CDH4: variants seen among roughly 807,000 people sequenced by gnomAD.
CDH4 encodes cadherin 4, also known as cadherin-4.
A neutral mutation model predicts 86.0 loss-of-function variants in CDH4; 33 were observed. That is an observed-to-expected ratio of 0.38 (90% CI 0.29 to 0.51). The LOEUF (loss-of-function observed/expected upper bound fraction) is 0.51. Among genes scored for constraint, CDH4 ranks in the 20% least tolerant of loss-of-function variants. The pLI is 0.86. For synonymous variants in CDH4, 555 were observed against 549.4 expected (o/e 1.01, Z -0.14); for missense variants, 1,114 against 1,307.4 (o/e 0.85, Z 2.28).
At chr20:61,864,877 C>T (rs1319164375) in intron 6 of CDH4, among the ~76,000 whole-genome samples, 1 of 152,184 alleles carries the variant, frequency 6.6e-6, no homozygotes, top group Non-Finnish European at 1.5e-5. Context: ...TGGCTGTGGT[C>T]CTCTCTGGGG....
intron 2 of CDH4, among the ~76,000 whole-genome samples, chr20:61,551,106 C>T (rs749625071): frequency 9.2e-5 from 14 of 152,108 alleles, no homozygotes; most frequent in Non-Finnish European, 1.3e-4. Context: ...TCCTCGGGAT[C>T]GATAAAGGTG....
chr20:61,761,704 G>T (rs2088634740), intron 3 of CDH4, among the ~76,000 whole-genome samples: 1 of 152,214 alleles, frequency 6.6e-6, no homozygotes, highest in Non-Finnish European at 1.5e-5. Context: ...GCACAGAGGG[G>T]TGAGCGCGGA....
At chr20:61,495,625 G>A (rs1215936341) in intron 2 of CDH4, among the ~76,000 whole-genome samples, 1 of 152,110 alleles carries the variant, frequency 6.6e-6, no homozygotes, top group South Asian at 2.1e-4. Context: ...TGGGCAGGCC[G>A]GGCACTGTGG....
At chr20:61,359,508 G>C (rs1348185130) in intron 2 of CDH4, among the ~76,000 whole-genome samples, 2 of 152,242 alleles carry the variant, frequency 1.3e-5, no homozygotes, top group Non-Finnish European at 2.9e-5. Flanking sequence ...CCACGCGGCA[G>C]GTTTGAAGGG....
chr20:61,711,252 C>T (rs1174482536), intron 2 of CDH4, among the ~76,000 whole-genome samples: 2 of 152,228 alleles, frequency 1.3e-5, no homozygotes, highest in Admixed American at 1.3e-4. Flanking sequence ...GTTTGCTTCC[C>T]CTTCGCCTTC....
chr20:61,625,082 C>T (rs1039403121), intron 2 of CDH4, among the ~76,000 whole-genome samples: 4 of 152,152 alleles, frequency 2.6e-5, no homozygotes, highest in Admixed American at 2.0e-4. Context: ...ATTCCTGGGC[C>T]TCTCGTGTTG....
chr20:61,255,042 T>A, intron 2 of CDH4, 105 bp downstream of exon 2: 1 of 742,118 alleles, frequency 1.3e-6, no homozygotes, highest in Non-Finnish European at 2.4e-6. Context: ...GTGCTCTCTG[T>A]GAAATGATGG....
rs374341064 is a variant in CDH4, at chr20:61,708,374, C to T, written c.170-35189C>T. ...CCTAACTGGGTTGGGGCACCACCCT[C>T]CACTCTCCACGTTGGCTGCCTCAGT... On this transcript the variant is annotated intron_variant, in intron 2 of 15. Transcript: ENST00000614565. This position sits in a 1 kb window ranked among gnomAD's most constrained non-coding sequence, Gnocchi z 4.5. 3.3e-5 allele frequency among the ~76,000 whole-genome samples: 5 copies of T among 152,136 alleles called. No homozygotes were observed. In the South Asian group the frequency reaches 8.3e-4, roughly 25 times the overall value.
chr20:61,720,642 A>G (rs980140227), intron 2 of CDH4, among the ~76,000 whole-genome samples: 2 of 73,072 alleles, frequency 2.7e-5, no homozygotes, highest in South Asian at 1.0e-3. Flanking sequence ...TTCCTAAGCC[A>G]TCGTCTTGTG....
In CDH4 at chr20:61,282,835, G is replaced by A. The variant is rs577603067; in HGVS notation, c.169+27898G>A. 7.4e-4 allele frequency among the ~76,000 whole-genome samples: 112 copies of A among 151,984 alleles called. 4 individuals carry two copies. In the South Asian group the frequency reaches 0.024, roughly 32 times the overall value. ...GGCTGTGGTGTGCACGTGTGTGCGT[G>A]TGATGCATGTGCATTTGCACGCATG... On this transcript the variant is annotated intron_variant, in intron 2 of 15. Coordinates refer to ENST00000614565, the MANE Select transcript of CDH4 (RefSeq NM_001794.5).
At chr20:61,385,894 T>A (rs1198339654) in intron 2 of CDH4, among the ~76,000 whole-genome samples, 1 of 152,192 alleles carries the variant, frequency 6.6e-6, no homozygotes, top group African/African-American at 2.4e-5. Flanking sequence ...GCATTTGCTA[T>A]GTAGATTGCA....
chr20:61,595,524 C>T (rs78200115), intron 2 of CDH4, among the ~76,000 whole-genome samples: 2,426 of 152,104 alleles, frequency 0.016, 64 homozygotes, highest in African/African-American at 0.046. Flanking sequence ...CCCGTGGGGC[C>T]CTCCCTTTTG....
intron 2 of CDH4, among the ~76,000 whole-genome samples, chr20:61,434,276 G>A (rs928795071): frequency 3.9e-5 from 6 of 152,222 alleles, no homozygotes; most frequent in Non-Finnish European, 7.4e-5. Flanking sequence ...TTGCATAATC[G>A]AATTTAGCCC....
Position 61,811,058 on chromosome 20 carries a change from G to GCATCCTCAGCAGCCGCGCCA in CDH4, c.577-33595_577-33576dup, listed in dbSNP as rs1265215263. ...AACTAATGGCGCGGTGCTGACTGCC[G>GCATCCTCAGCAGCCGCGCCA]CATCCTCAGCAGCCGCGCCACATCC... On this transcript the variant is annotated intron_variant, in intron 4 of 15. Transcript: ENST00000614565. This position sits in a 1 kb window ranked among gnomAD's most constrained non-coding sequence, Gnocchi z 4.4. 2.0e-5 allele frequency among the ~76,000 whole-genome samples: 3 copies of GCATCCTCAGCAGCCGCGCCA among 152,162 alleles called. No individual in the cohort carries two copies. The highest frequency in any genetic ancestry group is 2.9e-5 in the Non-Finnish European group (2 of 68,030).
At position 61,623,494 on chromosome 20, in the gene CDH4, A is replaced by C. The variant is rs1568718816; in HGVS notation, c.170-120069A>C. ...TCAGAAATACCATTACAATGAAAACAATTTCAAGAGCAAATTGAATACCTA... is the reference window on the plus strand; with the variant it reads ...TCAGAAATACCATTACAATGAAAACCATTTCAAGAGCAAATTGAATACCTA... On this transcript the variant is annotated intron_variant, in intron 2 of 15. Transcript: ENST00000614565. This position sits in a 1 kb window ranked among gnomAD's most constrained non-coding sequence, Gnocchi z 4.4. 6.6e-6 allele frequency among the ~76,000 whole-genome samples: 1 copy of C among 152,328 alleles called. No individual in the cohort carries two copies. Among genetic ancestry groups the C allele is most frequent in the East Asian group, 1.9e-4 (1 of 5,180 alleles).
At chr20:61,576,197 AT>A (rs1177046512) in intron 2 of CDH4, among the ~76,000 whole-genome samples, 1 of 152,068 alleles carries the variant, frequency 6.6e-6, no homozygotes, top group Non-Finnish European at 1.5e-5. Context: ...TTTGACTTTT[AT>A]TTTTTGTGTG....
intron 2 of CDH4, among the ~76,000 whole-genome samples, chr20:61,353,814 A>T (rs552175443): frequency 7.1e-6 from 1 of 140,876 alleles, no homozygotes; most frequent in South Asian, 2.4e-4. Context: ...AGAGCCTGGA[A>T]TGTGCCCCGT....
chr20:61,814,046 C>T (rs368152394), intron 4 of CDH4, among the ~76,000 whole-genome samples: 5 of 152,340 alleles, frequency 3.3e-5, no homozygotes, highest in African/African-American at 1.2e-4. Flanking sequence ...CAGGCACATC[C>T]AGGCCAGAGG....
chr20:61,699,577 C>T (rs1031593938), intron 2 of CDH4, among the ~76,000 whole-genome samples: 3 of 152,350 alleles, frequency 2.0e-5, no homozygotes, highest in Admixed American at 6.5e-5. Context: ...TTGCTTCTCA[C>T]ACAGCTTCCT....
Sources: gnomAD v4.1 joint callset for allele counts (sites outside exome capture counted in the v4.1 genomes callset) on GRCh38, gnomAD v4.1.1 for gene constraint, Gnocchi (gnomAD v3.1) non-coding constraint, MANE v1.5 for transcripts, NCBI Gene and HGNC (gene_info 2026-07-23, HGNC 2026-07-21) for gene names.